AFG3L2: variants seen among roughly 807,000 people sequenced by gnomAD.
The protein encoded by AFG3L2 is AFG3 like matrix AAA peptidase subunit 2.
Under a neutral mutation model 94.5 loss-of-function variants are expected in AFG3L2, and 54 were observed. That is an observed-to-expected ratio of 0.57 (90% CI 0.46 to 0.72). The LOEUF is 0.72. Among genes scored for constraint, AFG3L2 ranks in the 30% least tolerant of loss-of-function variants. AFG3L2 has a pLI of 0.00. For synonymous variants in AFG3L2, 377 were observed against 365.5 expected, an observed-to-expected ratio of 1.03 and a Z score of -0.36; for missense variants, 754 against 994.9, an observed-to-expected ratio of 0.76 and a Z score of 3.26.
In AFG3L2 at chr18:12,331,868, G is replaced by T. The variant is rs531957389; in HGVS notation, c.2176-2085C>A. Among the ~76,000 whole-genome samples, 4 of 96,246 alleles carry T rather than the reference G, an allele frequency of 4.2e-5. No homozygotes were observed. In the South Asian group the frequency reaches 1.1e-3, roughly 26 times the overall value. The allele number at this position is 96,246 out of a possible 152,430, so 63.1% of individuals were successfully genotyped here. The stretch of plus-strand genomic sequence containing the variant: ...ATATATATATATATATATAAAACAA[G>T]GGCAGAGATACAAAATGAAGGCAGG... On this transcript the variant is annotated intron_variant, in intron 16 of 16. Coordinates refer to ENST00000269143, the MANE Select transcript of AFG3L2 (RefSeq NM_006796.3).
At position 12,372,283 on chromosome 18, in the gene AFG3L2, G is replaced by A. The variant is rs564302280; in HGVS notation, c.115-592C>T. On this transcript the variant is annotated intron_variant, in intron 1 of 16. Transcript: ENST00000269143. Reference sequence around the variant, plus strand: ...CACGCCACTGCACTCCAGCCTGGGCGATGGAGTGAGACTCCGTCTCAAAAA... The same window carrying A: ...CACGCCACTGCACTCCAGCCTGGGCAATGGAGTGAGACTCCGTCTCAAAAA... Among the ~76,000 whole-genome samples, 91 of 152,322 alleles carry A rather than the reference G, an allele frequency of 6.0e-4. 1 individual carries two copies. The highest frequency in any genetic ancestry group is 1.1e-3 in the Non-Finnish European group (73 of 68,026).
At position 12,367,167 on chromosome 18, in the gene AFG3L2, G is replaced by A. The variant is rs201648830; in HGVS notation, c.400-50C>T. 2.3e-5 allele frequency: 37 copies of A among 1,613,124 alleles called. No individual in the cohort carries two copies. In the South Asian group the frequency reaches 2.3e-4, roughly 10 times the overall value. ...TGTGAAGAATGAAATTCCACAATAC[G>A]ATCTATGCTCTGTGAGACACAAATC... is the stretch of plus-strand genomic sequence containing the variant. On this transcript the variant is annotated intron_variant, in intron 4 of 16. Transcript: ENST00000269143.
At chr18:12,337,579 T>C (rs1242205712) in intron 15 of AFG3L2, 44 bp from the exon 16 acceptor site, 3 of 1,595,338 alleles carry the variant, frequency 1.9e-6, no homozygotes, top group South Asian at 2.2e-5. Flanking sequence ...GATTGTTCTT[T>C]AACCAGACAA....
chr18:12,329,864 C>T, intron 16 of AFG3L2, 81 bp from the exon 17 acceptor site: 2 of 1,240,598 alleles, frequency 1.6e-6, no homozygotes, highest in South Asian at 2.6e-5. Context: ...TTACAGGTGA[C>T]CCCATTCCAA....
At chr18:12,358,524 T>A in intron 8 of AFG3L2, 146 bp downstream of exon 8, 1 of 1,060,310 alleles carries the variant, frequency 9.4e-7, no homozygotes, top group Non-Finnish European at 1.4e-6. Context: ...AAAACGATCC[T>A]CGAGTTGGGC....
Position 12,367,121 on chromosome 18 carries a change from G to T in AFG3L2, c.400-4C>A. The T allele has an allele frequency of 6.2e-7, 1 of 1,614,114 alleles. No individual in the cohort carries two copies. The highest frequency in any genetic ancestry group is 8.5e-7 in the Non-Finnish European group (1 of 1,180,010). ...TGTCGTCCCATGGAATGTCACCCTG[G>T]GCAGAGAGGGAGACAGCTTCTGTGA... On this transcript the variant is annotated splice_polypyrimidine_tract_variant and splice_region_variant and intron_variant, in intron 4 of 16. Coordinates refer to ENST00000269143, the MANE Select transcript of AFG3L2 (RefSeq NM_006796.3).
chr18:12,346,396 T>C (rs1339389293), intron 13 of AFG3L2, among the ~76,000 whole-genome samples: 3 of 152,190 alleles, frequency 2.0e-5, no homozygotes, highest in East Asian at 3.8e-4. Context: ...CCGGCTCACA[T>C]GCAGGACAGC....
chr18:12,370,792 C>A (rs1169940209), intron 3 of AFG3L2, 57 bp downstream of exon 3: 2 of 1,145,366 alleles, frequency 1.7e-6, no homozygotes, highest in African/African-American at 3.0e-5. Flanking sequence ...TGGAAACTAC[C>A]ACCATTATAC....
intron 3 of AFG3L2, 21 bp from the exon 4 acceptor site, chr18:12,367,403 C>T: frequency 6.2e-7 from 1 of 1,609,898 alleles, no homozygotes; most frequent in South Asian, 1.1e-5. Context: ...ACAAAGAGCA[C>T]ACACAGAAGC....
intron 1 of AFG3L2, among the ~76,000 whole-genome samples, chr18:12,376,142 T>A (rs544939403): frequency 1.3e-5 from 2 of 152,150 alleles, no homozygotes; most frequent in Non-Finnish European, 2.9e-5. Flanking sequence ...CCCCTTACAG[T>A]GAAGACGTTG....
chr18:12,335,549 T>C (rs1191493043), intron 16 of AFG3L2, among the ~76,000 whole-genome samples: 1 of 152,210 alleles, frequency 6.6e-6, no homozygotes, highest in Non-Finnish European at 1.5e-5. Flanking sequence ...CTGGTGTTTC[T>C]TTTTCCCTGG....
intron 13 of AFG3L2, among the ~76,000 whole-genome samples, chr18:12,344,611 T>C (rs1162765091): frequency 6.6e-6 from 1 of 151,778 alleles, no homozygotes; most frequent in Non-Finnish European, 1.5e-5. Context: ...GAGGCGGAGG[T>C]TGCAGTGAAC....
intron 6 of AFG3L2, among the ~76,000 whole-genome samples, chr18:12,361,089 T>G (rs1268180485): frequency 1.3e-5 from 2 of 152,164 alleles, no homozygotes; most frequent in African/African-American, 4.8e-5. Flanking sequence ...TAAAACTCAT[T>G]AGAGAGGCTG....
chr18:12,360,659 G>A (rs1271624958), intron 6 of AFG3L2, among the ~76,000 whole-genome samples: 1 of 152,148 alleles, frequency 6.6e-6, no homozygotes, highest in Non-Finnish European at 1.5e-5. Flanking sequence ...GACCCAGAGG[G>A]CCCAGCACAG....
chr18:12,362,588 A>C (rs866141923), intron 6 of AFG3L2, among the ~76,000 whole-genome samples: 1 of 152,178 alleles, frequency 6.6e-6, no homozygotes, highest in Non-Finnish European at 1.5e-5. Context: ...TCAACACATA[A>C]ATGCTTGTGC....
At chr18:12,365,495 C>T (rs1312523867) in intron 5 of AFG3L2, among the ~76,000 whole-genome samples, 1 of 152,180 alleles carries the variant, frequency 6.6e-6, no homozygotes, top group Non-Finnish European at 1.5e-5. Context: ...CATAAGGAAG[C>T]ACCAGGAACC....
chr18:12,371,816 A>C, intron 1 of AFG3L2, 125 bp from the exon 2 acceptor site: 1 of 768,558 alleles, frequency 1.3e-6, no homozygotes, highest in Non-Finnish European at 2.2e-6. Context: ...GAAGTAACAC[A>C]GAATGACTCC....
At position 12,356,793 on chromosome 18, in the gene AFG3L2, C is replaced by A. The variant is rs139181972; in HGVS notation, c.1065G>T (p.Thr355=). 6.2e-6 allele frequency: 10 copies of A among 1,614,178 alleles called. No individual in the cohort carries two copies. Among genetic ancestry groups the A allele is most frequent in the Non-Finnish European group, 8.5e-6 (10 of 1,180,034 alleles). Residue 355 remains threonine, a synonymous_variant, in exon 9 of 17, where the codon ACG becomes ACT. Coordinates refer to ENST00000269143, the MANE Select transcript of AFG3L2 (RefSeq NM_006796.3). Reference sequence around the variant, plus strand: ...CTCCGGCTGTGGCCTTAGCTAGCAGCGTCTTCCCAGTGCCTGGAGGACCAG... The same window carrying A: ...CTCCGGCTGTGGCCTTAGCTAGCAGAGTCTTCCCAGTGCCTGGAGGACCAG... ...ILTGPPGTGK[T]LLAKATAGEA...
chr18:12,333,208 TATATA>T (rs1568132253), intron 16 of AFG3L2, among the ~76,000 whole-genome samples: 2 of 121,568 alleles, frequency 1.6e-5, no homozygotes, highest in East Asian at 4.1e-4. Context: ...AATAATCTAA[TATATA>T]ATCTATTATA....
Sources: allele counts gnomAD v4.1 joint callset (sites outside exome capture counted in the v4.1 genomes callset), GRCh38; gene constraint gnomAD v4.1.1; transcripts MANE v1.5; gene names NCBI Gene and HGNC (gene_info 2026-07-23, HGNC 2026-07-21).